Variants in KHDRBS2 observed in about 807,000 individuals in gnomAD.
KHDRBS2 encodes KH domain-containing, RNA-binding, signal transduction-associated protein 2.
Under a neutral mutation model 44.3 loss-of-function variants are expected in KHDRBS2, and 26 were observed. The ratio of observed to expected loss-of-function variants is 0.59; its 90% confidence interval spans 0.43 to 0.81. The LOEUF (loss-of-function observed/expected upper bound fraction) is 0.81, where lower values mean the gene tolerates loss of function less well. KHDRBS2 is among the 40% of genes least tolerant of loss of function. KHDRBS2 has a pLI of 0.00. For synonymous variants in KHDRBS2, 194 were observed against 151.1 expected (o/e 1.28, Z -2.08); for missense variants, 476 against 433.1 (o/e 1.10, Z -0.88).
chr6:62,058,908 A>G (rs1365415510), intron 2 of KHDRBS2, among the ~76,000 whole-genome samples: 1 of 151,850 alleles, frequency 6.6e-6, no homozygotes, highest in Non-Finnish European at 1.5e-5. Context: ...TATTCAATGG[A>G]CATATTTGTA....
the KHDRBS2 span, among the ~76,000 whole-genome samples, chr6:61,606,545 C>T: frequency 5.0e-3 from 768 of 152,112 alleles, 3 homozygotes; most frequent in Middle Eastern, 0.014. Context: ...TTCCAAGAAA[C>T]GGCCAGATAA....
chr6:62,194,512 T>G (rs1825268563), intron 1 of KHDRBS2, among the ~76,000 whole-genome samples: 1 of 72,286 alleles, frequency 1.4e-5, no homozygotes. Context: ...TTTTTTTTTT[T>G]TTTTTTGAGA....
rs578199866 is a variant in KHDRBS2 at position 62,012,228 on chromosome 6, C to T, written c.337-34016G>A. Among the ~76,000 whole-genome samples the T allele has an allele frequency of 2.0e-5, 3 of 152,284 alleles. No homozygotes were observed. In the East Asian group the frequency reaches 5.8e-4, roughly 29 times the overall value. ...TTGATTATTCACTCTTCCTCATTAACTATACCTCAGCTATCAGTAAGTCCT... is the reference window on the plus strand; with the variant it reads ...TTGATTATTCACTCTTCCTCATTAATTATACCTCAGCTATCAGTAAGTCCT... On this transcript the variant is annotated intron_variant, in intron 3 of 8. Coordinates refer to ENST00000281156, the MANE Select transcript of KHDRBS2 (RefSeq NM_152688.4).
chr6:62,115,062 G>A (rs1454565210), intron 2 of KHDRBS2, among the ~76,000 whole-genome samples: 1 of 151,998 alleles, frequency 6.6e-6, no homozygotes, highest in Non-Finnish European at 1.5e-5. Context: ...ATTCGTTTTA[G>A]GAGTGACTAA....
rs556815261 is a variant in KHDRBS2 at position 61,841,616 on chromosome 6, A to G, written c.810+53019T>C. 5.1e-4 allele frequency among the ~76,000 whole-genome samples: 78 copies of G among 152,246 alleles called. 1 individual carries two copies. The South Asian group carries it at 0.016, about 32-fold the overall frequency. On this transcript the variant is annotated intron_variant, in intron 6 of 8. Coordinates refer to ENST00000281156, the MANE Select transcript of KHDRBS2 (RefSeq NM_152688.4). Reference sequence around the variant, plus strand: ...CATTAGACTCATGTTATTTCCATATACTTTGTTAAAACAGGATTGACTACA... The same window carrying G: ...CATTAGACTCATGTTATTTCCATATGCTTTGTTAAAACAGGATTGACTACA...
At chr6:62,240,219 T>G (rs1834374304) in intron 1 of KHDRBS2, among the ~76,000 whole-genome samples, 1 of 152,174 alleles carries the variant, frequency 6.6e-6, no homozygotes, top group African/African-American at 2.4e-5. Context: ...TGCTCCAGAT[T>G]TGCCACTGGG....
the KHDRBS2 span, among the ~76,000 whole-genome samples, chr6:61,555,337 T>C: frequency 2.6e-5 from 4 of 152,232 alleles, no homozygotes; most frequent in Non-Finnish European, 5.9e-5. Context: ...ATTCTTGAAG[T>C]AAGTTTTTCA....
intron 2 of KHDRBS2, among the ~76,000 whole-genome samples, chr6:62,124,586 T>TACACACACAC (rs57845781): frequency 0.012 from 1,802 of 145,080 alleles, 15 homozygotes; most frequent in East Asian, 0.024. Flanking sequence ...TGAACTATAC[T>TACACACACAC]ACACACACAC....
In KHDRBS2 at chr6:61,743,068, C is replaced by T. The variant is rs946663268; in HGVS notation, c.811-10304G>A. On this transcript the variant is annotated intron_variant, in intron 6 of 8. Transcript: ENST00000281156. ...AAATTAATCTCTGGGGAGGCTAATG[C>T]TAACTTTTCAATCAGCCCAGTAAAA... Among the ~76,000 whole-genome samples the T allele has an allele frequency of 5.9e-5, 9 of 152,032 alleles. No homozygotes were observed. In the South Asian group the frequency reaches 1.0e-3, roughly 18 times the overall value.
At chr6:61,727,536 C>G (rs556536675) in intron 7 of KHDRBS2, among the ~76,000 whole-genome samples, 32 of 152,160 alleles carry the variant, frequency 2.1e-4, no homozygotes, top group African/African-American at 7.0e-4. Context: ...TGCAACCTAT[C>G]CATCTGTCAA....
intron 2 of KHDRBS2, among the ~76,000 whole-genome samples, chr6:62,156,620 A>G (rs942400554): frequency 9.9e-5 from 15 of 152,144 alleles, no homozygotes; most frequent in Non-Finnish European, 2.2e-4. Context: ...GTACTCTTCT[A>G]AAAAGTTAAT....
At chr6:61,857,454 T>A (rs1197853917) in intron 6 of KHDRBS2, among the ~76,000 whole-genome samples, 1 of 151,526 alleles carries the variant, frequency 6.6e-6, no homozygotes, top group Non-Finnish European at 1.5e-5. Context: ...TGGAGGAAAT[T>A]TTTTTTTTCA....
the KHDRBS2 span, chr6:61,574,219 AC>A: frequency 4.0e-6 from 3 of 744,554 alleles, no homozygotes; most frequent in Non-Finnish European, 7.0e-6. Flanking sequence ...CTCTAGCATT[AC>A]CAGTATTAGA....
chr6:61,720,737 A>T (rs1412360287), intron 7 of KHDRBS2, among the ~76,000 whole-genome samples: 2 of 151,088 alleles, frequency 1.3e-5, no homozygotes, highest in Non-Finnish European at 3.0e-5. Flanking sequence ...TTGCCTGTTC[A>T]CTCTGATGGT....
intron 2 of KHDRBS2, among the ~76,000 whole-genome samples, chr6:62,118,596 T>G (rs1231078592): frequency 6.6e-6 from 1 of 152,010 alleles, no homozygotes; most frequent in African/African-American, 2.4e-5. Context: ...CAAAGGAGAT[T>G]AATATTTGAG....
chr6:61,693,624 T>G (rs1767600139), intron 8 of KHDRBS2, among the ~76,000 whole-genome samples: 1 of 152,174 alleles, frequency 6.6e-6, no homozygotes, highest in South Asian at 2.1e-4. Context: ...TAAAATCCCT[T>G]TCTACATTTT....
In KHDRBS2 at chr6:62,150,552, A is replaced by T. The variant is rs1311341112; in HGVS notation, c.219+26633T>A. Among the ~76,000 whole-genome samples the T allele has an allele frequency of 3.3e-5, 5 of 152,226 alleles. No individual in the cohort carries two copies. In the East Asian group the frequency reaches 9.6e-4, roughly 29 times the overall value. Reference sequence around the variant, plus strand: ...ATTCAGAGAAGTCCCATTTCAGGGCATAAATACCAAACCATAATGTTTTAT... The same window carrying T: ...ATTCAGAGAAGTCCCATTTCAGGGCTTAAATACCAAACCATAATGTTTTAT... On this transcript the variant is annotated intron_variant, in intron 2 of 8. Transcript: ENST00000281156.
intron 8 of KHDRBS2, among the ~76,000 whole-genome samples, chr6:61,682,250 A>G (rs1000570399): frequency 2.0e-5 from 3 of 151,902 alleles, no homozygotes; most frequent in African/African-American, 4.8e-5. Context: ...AAAATGATCA[A>G]AAGTTTATCA....
chr6:61,843,150 T>C (rs1793843819), intron 6 of KHDRBS2, among the ~76,000 whole-genome samples: 2 of 151,850 alleles, frequency 1.3e-5, no homozygotes, highest in Non-Finnish European at 2.9e-5. Flanking sequence ...AGACAGAAAG[T>C]AGATGGCTAG....
Sources: gnomAD v4.1 joint callset for allele counts (sites outside exome capture counted in the v4.1 genomes callset) on GRCh38, gnomAD v4.1.1 for gene constraint, MANE v1.5 for transcripts, NCBI Gene and HGNC (gene_info 2026-07-23, HGNC 2026-07-21) for gene names.